Variants in KIF26A observed in about 807,000 individuals in gnomAD.
KIF26A encodes the protein kinesin-like protein KIF26A.
Under a neutral mutation model 126.0 loss-of-function variants are expected in KIF26A, and 74 were observed. The ratio of observed to expected loss-of-function variants is 0.59; its 90% CI spans 0.49 to 0.71. The LOEUF (loss-of-function observed/expected upper bound fraction) is 0.71. KIF26A is among the 30% of genes least tolerant of loss of function. KIF26A has a pLI of 0.00. For synonymous variants in KIF26A, 1,445 were observed against 1,232.7 expected (o/e 1.17, Z -3.61); for missense variants, 2,984 against 2,763.3 (o/e 1.08, Z -1.79).
At chr14:104,153,559 A>G (rs113685036) in intron 3 of KIF26A, among the ~76,000 whole-genome samples, 56 of 79,560 alleles carry the variant, frequency 7.0e-4, no homozygotes, top group Non-Finnish European at 1.2e-3. Context: ...CCCAGAGCCG[A>G]ACCCCACCCT....
At chr14:104,172,849 A>AGG (rs770857010) in intron 7 of KIF26A, 128 bp from the exon 8 acceptor site, 52 of 1,307,258 alleles carry the variant, frequency 4.0e-5, no homozygotes, top group Non-Finnish European at 4.9e-5. Context: ...TGAAAGGCAG[A>AGG]GGGCTTAGGA....
chr14:104,141,670 C>T (rs2037638748), intron 2 of KIF26A, among the ~76,000 whole-genome samples: 2 of 150,116 alleles, frequency 1.3e-5, no homozygotes, highest in African/African-American at 2.5e-5. Context: ...CCCAGCCTGC[C>T]GGGGTCTCCC....
intron 4 of KIF26A, among the ~76,000 whole-genome samples, chr14:104,166,178 G>GCAGGAGCA (rs11281316): frequency 3.6e-4 from 50 of 138,582 alleles, no homozygotes; most frequent in African/African-American, 1.4e-3. Context: ...GACGAGGGTG[G>GCAGGAGCA]CAGGGGCCCA....
At chr14:104,139,020 G>T (rs528863668) in intron 1 of KIF26A, 23 bp from the exon 2 acceptor site, 4 of 1,330,970 alleles carry the variant, frequency 3.0e-6, no homozygotes, top group Non-Finnish European at 3.8e-6. Flanking sequence ...CTCACTGTCC[G>T]CTTCCGCCCC....
In KIF26A at chr14:104,175,916, G is replaced by C. The variant is rs1382525609; in HGVS notation, c.3128G>C (p.Gly1043Ala). 1.3e-6 allele frequency: 2 copies of C among 1,548,012 alleles called. No homozygotes were observed. The highest frequency in any genetic ancestry group is 8.7e-7 in the Non-Finnish European group (1 of 1,152,112). The change falls in exon 12 of 15, where the codon GGG becomes GCG. Residue 1043 changes from glycine (G) to alanine (A), a missense_variant. Gly to Ala is a moderately conservative substitution (Grantham distance 60). Coordinates refer to ENST00000423312, the MANE Select transcript of KIF26A (RefSeq NM_015656.2). ...ACGGTGGTGGAGGAGCTGTCCCTGGGGGCGCTTGCCGGAGCTGGGCGGCCC... is the reference window on the plus strand; with the variant it reads ...ACGGTGGTGGAGGAGCTGTCCCTGGCGGCGCTTGCCGGAGCTGGGCGGCCC... ...VFTVVEELSL[G>A]ALAGAGRPTS... is the part of the protein sequence containing the mutation.
chr14:104,174,253 A>G lies in KIF26A; in HGVS notation c.2136A>G (p.Thr712=), dbSNP rs1021774102. 1 of 1,574,404 alleles carries G rather than the reference A, an allele frequency of 6.4e-7. No individual in the cohort carries two copies. Residue 712 remains threonine, a synonymous_variant, in exon 11 of 15, where the codon ACA becomes ACG. Transcript: ENST00000423312. The stretch of plus-strand genomic sequence containing the variant: ...ATGCGCCAGCCCAGCACGCAGAGAC[A>G]CTCAGCACCGTGCAGCTCGCCGCCC... The part of the protein sequence containing the change: ...VSDAPAQHAE[T]LSTVQLAARI...
intron 12 of KIF26A, among the ~76,000 whole-genome samples, 188 bp downstream of exon 12, chr14:104,178,086 C>T (rs1310557721): frequency 2.6e-5 from 4 of 152,360 alleles, no homozygotes; most frequent in Non-Finnish European, 2.9e-5. Flanking sequence ...AGGTGCACGG[C>T]CCTCTGCAGT....
In KIF26A at chr14:104,165,617, CTG is replaced by C. The variant is rs1189493866; in HGVS notation, c.924-1240_924-1239del. 6.3e-5 allele frequency among the ~76,000 whole-genome samples: 9 copies of C among 143,492 alleles called. 1 individual carries two copies. The highest frequency in any genetic ancestry group is 4.7e-4 in the Admixed American group (7 of 14,820). The allele number at this position is 143,492 out of a possible 152,430, so 94.1% of individuals were successfully genotyped here. Reference sequence around the variant, plus strand: ...TCTATGCATGTGTGTGTCTCTGTCTCTGTATGCATGTGTGTGTCTGTGTTTCT... The same window carrying C: ...TCTATGCATGTGTGTGTCTCTGTCTCTATGCATGTGTGTGTCTGTGTTTCT... On this transcript the variant is annotated intron_variant, in intron 4 of 14. Transcript: ENST00000423312.
rs1213603473 is a variant in KIF26A, at chr14:104,151,768, G to A, written c.289-247G>A. 6.6e-6 allele frequency among the ~76,000 whole-genome samples: 1 copy of A among 152,266 alleles called. No individual in the cohort carries two copies. The highest frequency in any genetic ancestry group is 1.5e-5 in the Non-Finnish European group (1 of 68,046). ...TGCCTTGTTAGCCGCAGGCCGGGGC[G>A]CTTAATGACGGCTGGGGAAGGTGGA... On this transcript the variant is annotated intron_variant, in intron 2 of 14. Coordinates refer to ENST00000423312, the MANE Select transcript of KIF26A (RefSeq NM_015656.2). This position sits in a 1 kb window ranked among gnomAD's most constrained non-coding sequence, Gnocchi z 4.9.
At chr14:104,139,491 G>C (rs985988947) in intron 2 of KIF26A, among the ~76,000 whole-genome samples, 10 of 152,236 alleles carry the variant, frequency 6.6e-5, no homozygotes, top group Non-Finnish European at 1.3e-4. Context: ...AGCCCGAGGG[G>C]CCCTGCTGCC....
rs947472626 is a variant in KIF26A, at chr14:104,139,179, A to G, written c.179A>G (p.Gln60Arg). 1.9e-6 allele frequency: 3 copies of G among 1,544,426 alleles called. No individual in the cohort carries two copies. In the Admixed American group the frequency reaches 5.9e-5, roughly 31 times the overall value. Residue 60 changes from glutamine to arginine, a missense_variant, in exon 2 of 15, where the codon CAG becomes CGG. Coordinates refer to ENST00000423312, the MANE Select transcript of KIF26A (RefSeq NM_015656.2). ...APEGAGAGPE[Q>R]GHSAGGGGWC... ...GAAGGCGCCGGGGCCGGCCCAGAGCAGGGCCACTCGGCCGGCGGAGGCGGC... is the reference window on the plus strand; with the variant it reads ...GAAGGCGCCGGGGCCGGCCCAGAGCGGGGCCACTCGGCCGGCGGAGGCGGC...
intron 3 of KIF26A, among the ~76,000 whole-genome samples, chr14:104,156,558 G>C (rs2037779668): frequency 6.6e-6 from 1 of 152,178 alleles, no homozygotes; most frequent in Non-Finnish European, 1.5e-5. Flanking sequence ...ACATGGTTCT[G>C]TTCCAGGTCC....
Position 104,151,994 on chromosome 14 carries a change from T to G in KIF26A, c.289-21T>G, listed in dbSNP as rs753265042. 2 of 1,611,298 alleles carry G rather than the reference T, an allele frequency of 1.2e-6. No homozygotes were observed. Among genetic ancestry groups the G allele is most frequent in the South Asian group, 2.2e-5 (2 of 91,056 alleles). On this transcript the variant is annotated intron_variant, in intron 2 of 14. Transcript: ENST00000423312. The surrounding 1 kb of genome is among the most constrained non-coding windows in gnomAD (Gnocchi z 4.9). Reference sequence around the variant, plus strand: ...TCCCTCCCCAGGCACTGACCCTGCCTTTGTCCCTTGCTGTCCTCAGGATCC... The same window carrying G: ...TCCCTCCCCAGGCACTGACCCTGCCGTTGTCCCTTGCTGTCCTCAGGATCC...
rs1427482977 is a variant in KIF26A at position 104,152,327 on chromosome 14, C to T, written c.601C>T (p.Pro201Ser). Residue 201 changes from proline to serine, a missense_variant, in exon 3 of 15, where the codon CCC becomes TCC. Physicochemically the swap from Pro to Ser is moderately conservative, Grantham distance 74 (BLOSUM62 -1). Coordinates refer to ENST00000423312, the MANE Select transcript of KIF26A (RefSeq NM_015656.2). The surrounding 1 kb of genome is among the most constrained non-coding windows in gnomAD (Gnocchi z 5.9). ...CAAGGGGCTGGCCTGGTCCCCCGGG[C>T]CCAGTGTCCAGGTGTCTGTAGCACC... is the stretch of plus-strand genomic sequence containing the variant. Reference protein sequence around the residue: ...RTKGLAWSPGPSVQVSVAPAG... With the variant: ...RTKGLAWSPGSSVQVSVAPAG... 1.5e-5 allele frequency: 23 copies of T among 1,580,644 alleles called. No individual in the cohort carries two copies. The highest frequency in any genetic ancestry group is 2.0e-5 in the Non-Finnish European group (23 of 1,165,794).
At chr14:104,163,699 A>G (rs1376266269) in intron 4 of KIF26A, among the ~76,000 whole-genome samples, 2 of 150,452 alleles carry the variant, frequency 1.3e-5, no homozygotes, top group Admixed American at 1.3e-4. Flanking sequence ...AACCCCGAGC[A>G]TGCGCGGCAC....
rs1315104207 is a variant in KIF26A at position 104,139,036 on chromosome 14, C to G, written c.43-7C>G. 7.4e-7 allele frequency: 1 copy of G among 1,359,172 alleles called. No homozygotes were observed. The highest frequency in any genetic ancestry group is 4.1e-5 in the Admixed American group (1 of 24,440). The allele number at this position is 1,359,172 out of a possible 1,614,324, so 84.2% of individuals were successfully genotyped here. On this transcript the variant is annotated splice_region_variant and splice_polypyrimidine_tract_variant and intron_variant, in intron 1 of 14. Transcript: ENST00000423312. The stretch of plus-strand genomic sequence containing the variant: ...TCACTGTCCGCTTCCGCCCCCACAC[C>G]CTGCAGGTGGCCGAGGGCGGCCCGG...
rs556481726 is a variant in KIF26A at position 104,157,948 on chromosome 14, T to A, written c.923+6T>A. On this transcript the variant is annotated splice_donor_region_variant and intron_variant, in intron 4 of 14. Coordinates refer to ENST00000423312, the MANE Select transcript of KIF26A (RefSeq NM_015656.2). ...GCAGCCTCCTTCTTCATAAGGTATG[T>A]CCTGGGGCTTCCTGGGCAGCCTTGT... 4.0e-6 allele frequency: 6 copies of A among 1,485,734 alleles called. No individual in the cohort carries two copies. In the African/African-American group the frequency reaches 8.6e-5, roughly 21 times the overall value. 92.0% of individuals were successfully genotyped at this position (1,485,734 alleles called of 1,614,324 possible).
rs1224723713 is a variant in KIF26A at position 104,157,791 on chromosome 14, A to G, written c.772A>G (p.Thr258Ala). Residue 258 changes from threonine (T) to alanine (A), a missense_variant, in exon 4 of 15, where the codon ACG becomes GCG. Coordinates refer to ENST00000423312, the MANE Select transcript of KIF26A (RefSeq NM_015656.2). The part of the protein sequence containing the change: ...AAVAAVAVAD[T>A]VRECPPVAGP... ...GGTGGCGGCCGTGGCGGTGGCAGAC[A>G]CGGTCCGAGAATGCCCCCCCGTGGC... The G allele has an allele frequency of 6.2e-7, 1 of 1,610,436 alleles. No individual in the cohort carries two copies. Among genetic ancestry groups the G allele is most frequent in the Non-Finnish European group, 8.5e-7 (1 of 1,178,948 alleles).
At chr14:104,155,675 G>A (rs1319253153) in intron 3 of KIF26A, among the ~76,000 whole-genome samples, 3 of 152,240 alleles carry the variant, frequency 2.0e-5, no homozygotes, top group East Asian at 3.9e-4. Flanking sequence ...CCGTCCCGGC[G>A]GATGGGGCGG....
Sources: allele counts gnomAD v4.1 joint callset (sites outside exome capture counted in the v4.1 genomes callset), GRCh38; gene constraint gnomAD v4.1.1; non-coding constraint Gnocchi (gnomAD v3.1); transcripts MANE v1.5; gene names NCBI Gene and HGNC (gene_info 2026-07-23, HGNC 2026-07-21).